Variants in FER observed in about 807,000 individuals in gnomAD.
The protein encoded by FER is FER tyrosine kinase.
Under a neutral mutation model 111.0 loss-of-function variants are expected in FER, and 63 were observed. That is an observed-to-expected ratio of 0.57 (90% CI 0.46 to 0.70). FER has a LOEUF of 0.70. FER is among the 30% of genes least tolerant of loss of function. The pLI is 0.00. For missense variants in FER, 914 were observed against 954.0 expected, an observed-to-expected ratio of 0.96 and a Z score of 0.55; for synonymous variants, 327 against 313.9, an observed-to-expected ratio of 1.04 and a Z score of -0.44.
intron 13 of FER, among the ~76,000 whole-genome samples, chr5:109,002,204 G>T (rs1456098497): frequency 6.6e-6 from 1 of 151,842 alleles, no homozygotes; most frequent in East Asian, 1.9e-4. Context: ...GAGGCATCAC[G>T]CTACCTGACT....
intron 17 of FER, among the ~76,000 whole-genome samples, chr5:109,154,469 G>A (rs971781025): frequency 6.6e-6 from 1 of 151,698 alleles, no homozygotes; most frequent in African/African-American, 2.4e-5. Flanking sequence ...TTTATAGAGA[G>A]TAAAAAAGAA....
intron 16 of FER, among the ~76,000 whole-genome samples, chr5:109,099,255 G>C (rs1034556818): frequency 1.3e-5 from 2 of 151,548 alleles, no homozygotes; most frequent in African/African-American, 4.8e-5. Flanking sequence ...TGAATGCAAA[G>C]TTTATGGTTG....
chr5:109,126,796 G>C lies in FER; in HGVS notation c.2048+26277G>C, dbSNP rs77847187. 7.7e-3 allele frequency among the ~76,000 whole-genome samples: 1,178 copies of C among 152,276 alleles called. 11 individuals carry two copies. The highest frequency in any genetic ancestry group is 0.028 in the African/African-American group (1,143 of 41,552). On this transcript the variant is annotated intron_variant, in intron 17 of 19. Coordinates refer to ENST00000281092, the MANE Select transcript of FER (RefSeq NM_005246.4). ...GAAACAAATAATAAGGTATACACTA[G>C]CTTTGATAAATGCTGTGATAGAACC...
chr5:109,112,006 C>T (rs896443032), intron 17 of FER, among the ~76,000 whole-genome samples: 2 of 152,130 alleles, frequency 1.3e-5, no homozygotes, highest in Non-Finnish European at 2.9e-5. Flanking sequence ...AAAACACCTG[C>T]TTATTATGCT....
intron 13 of FER, among the ~76,000 whole-genome samples, chr5:109,032,113 T>G (rs1769713099): frequency 6.6e-6 from 1 of 152,148 alleles, no homozygotes; most frequent in Admixed American, 6.5e-5. Context: ...ACCAGCGTAG[T>G]TAATACTGAG....
At chr5:108,914,649 A>C (rs74316624) in intron 10 of FER, among the ~76,000 whole-genome samples, 4,652 of 152,242 alleles carry the variant, frequency 0.031, 121 homozygotes, top group South Asian at 0.1. Context: ...GGAGCGGTGA[A>C]ATCAGCATGG....
At position 109,135,367 on chromosome 5, in the gene FER, A is replaced by G. The variant is rs188312620; in HGVS notation, c.2048+34848A>G. On this transcript the variant is annotated intron_variant, in intron 17 of 19. Coordinates refer to ENST00000281092, the MANE Select transcript of FER (RefSeq NM_005246.4). Reference sequence around the variant, plus strand: ...GAGGTTAAGTGATTTTCTCCAGATCATATAAGTGACTTAGGGCAGAACCAG... The same window carrying G: ...GAGGTTAAGTGATTTTCTCCAGATCGTATAAGTGACTTAGGGCAGAACCAG... Among the ~76,000 whole-genome samples, 75 of 152,342 alleles carry G rather than the reference A, an allele frequency of 4.9e-4. 1 individual carries two copies. The highest frequency in any genetic ancestry group is 1.8e-3 in the African/African-American group (73 of 41,564).
At chr5:109,044,352 G>T (rs1344102303) in intron 14 of FER, among the ~76,000 whole-genome samples, 1 of 151,508 alleles carries the variant, frequency 6.6e-6, no homozygotes, top group Non-Finnish European at 1.5e-5. Flanking sequence ...CTAATTTTTT[G>T]GTATTTTTTT....
intron 10 of FER, among the ~76,000 whole-genome samples, chr5:108,919,663 G>T (rs554917641): frequency 6.6e-6 from 1 of 152,242 alleles, no homozygotes; most frequent in Admixed American, 6.5e-5. Context: ...CAGCCTTTCA[G>T]ACAAGAACAT....
chr5:109,153,090 A>G (rs937328584), intron 17 of FER, among the ~76,000 whole-genome samples: 8 of 151,896 alleles, frequency 5.3e-5, no homozygotes, highest in Non-Finnish European at 1.2e-4. Flanking sequence ...TTCATTAGCC[A>G]CAGAGTCAAA....
intron 11 of FER, among the ~76,000 whole-genome samples, chr5:108,954,375 T>G (rs1758152938): frequency 1.3e-5 from 2 of 152,124 alleles, no homozygotes; most frequent in African/African-American, 4.8e-5. Context: ...ATTAAGTTAT[T>G]TTGTGATACA....
At chr5:108,975,785 A>G (rs970191208) in intron 13 of FER, among the ~76,000 whole-genome samples, 2 of 152,192 alleles carry the variant, frequency 1.3e-5, no homozygotes, top group Non-Finnish European at 2.9e-5. Context: ...TCATTAGCTT[A>G]GTTATCTGTC....
chr5:108,816,098 A>G (rs558548439), intron 3 of FER, among the ~76,000 whole-genome samples: 5 of 152,016 alleles, frequency 3.3e-5, no homozygotes, highest in African/African-American at 9.6e-5. Context: ...CACCACACAT[A>G]TATACACACA....
chr5:108,910,443 T>C (rs1198133278), intron 10 of FER, among the ~76,000 whole-genome samples: 3 of 152,162 alleles, frequency 2.0e-5, no homozygotes, highest in African/African-American at 7.2e-5. Flanking sequence ...TCCCTATTCT[T>C]TGGAAGGCTT....
chr5:109,132,284 G>C (rs1752436574), intron 17 of FER, among the ~76,000 whole-genome samples: 1 of 152,128 alleles, frequency 6.6e-6, no homozygotes. Context: ...ATATAAGAAA[G>C]AGGAAATTCC....
chr5:109,120,341 C>T (rs1316027454), intron 17 of FER, among the ~76,000 whole-genome samples: 2 of 152,080 alleles, frequency 1.3e-5, no homozygotes, highest in African/African-American at 2.4e-5. Flanking sequence ...GTTTTCTCAG[C>T]ACCATTTATT....
intron 17 of FER, among the ~76,000 whole-genome samples, chr5:109,120,171 G>C (rs1750782455): frequency 6.6e-6 from 1 of 151,926 alleles, no homozygotes; most frequent in Non-Finnish European, 1.5e-5. Context: ...AGGTATTACT[G>C]AAGAATCAGC....
intron 3 of FER, among the ~76,000 whole-genome samples, chr5:108,812,821 TATA>T (rs1322371316): frequency 6.6e-6 from 1 of 152,148 alleles, no homozygotes; most frequent in Admixed American, 6.5e-5. Flanking sequence ...GAACCTCATC[TATA>T]ATAATATTCT....
intron 16 of FER, among the ~76,000 whole-genome samples, chr5:109,056,532 A>G (rs568920079): frequency 2.4e-4 from 36 of 152,328 alleles, no homozygotes; most frequent in African/African-American, 8.4e-4. Context: ...ATACAGAGAT[A>G]GAGAATGAAA....
Sources: allele counts gnomAD v4.1 joint callset (sites outside exome capture counted in the v4.1 genomes callset), GRCh38; gene constraint gnomAD v4.1.1; transcripts MANE v1.5; gene names NCBI Gene and HGNC (gene_info 2026-07-23, HGNC 2026-07-21).